Variants in STK32B observed in about 807,000 individuals in gnomAD.
STK32B encodes the protein serine/threonine-protein kinase 32B.
In STK32B, 43 loss-of-function variants were observed where a neutral mutation model predicts 52.6. The ratio of observed to expected loss-of-function variants is 0.82; its 90% CI spans 0.64 to 1.05. STK32B has a LOEUF of 1.05. Among genes scored for constraint, STK32B ranks in the 50% least tolerant of loss-of-function variants. The pLI is 0.00. For synonymous variants in STK32B, 238 were observed against 204.3 expected (o/e 1.17, Z -1.41); for missense variants, 621 against 534.6 (o/e 1.16, Z -1.59).
Position 5,217,702 on chromosome 4 carries a change from G to T in STK32B, c.260+49252G>T, listed in dbSNP as rs186206408. 3.9e-5 allele frequency among the ~76,000 whole-genome samples: 6 copies of T among 152,296 alleles called. No homozygotes were observed. The East Asian group carries it at 1.2e-3, about 29-fold the overall frequency. ...TAAGATCTCACCAACAGTGGGACTT[G>T]TCTCTTAAGTCTAATGTCTGGACTT... On this transcript the variant is annotated intron_variant, in intron 3 of 11. Coordinates refer to ENST00000282908, the MANE Select transcript of STK32B (RefSeq NM_018401.3).
chr4:5,425,362 A>G lies in STK32B; in HGVS notation c.562+8428A>G, dbSNP rs1577478981. On this transcript the variant is annotated intron_variant, in intron 6 of 11. Coordinates refer to ENST00000282908, the MANE Select transcript of STK32B (RefSeq NM_018401.3). The stretch of plus-strand genomic sequence containing the variant: ...ACTCTTTGTAGATATTATTGAGGCC[A>G]GGGAAAGTGAAGTTTGCTTCCCAGA... Among the ~76,000 whole-genome samples the G allele has an allele frequency of 2.0e-5, 3 of 152,344 alleles. No homozygotes were observed. In the South Asian group the frequency reaches 6.2e-4, roughly 32 times the overall value.
chr4:5,333,987 A>C (rs1459270389), intron 4 of STK32B, among the ~76,000 whole-genome samples: 1 of 152,148 alleles, frequency 6.6e-6, no homozygotes, highest in Admixed American at 6.5e-5. Context: ...ATGAACTTTA[A>C]AGTAGTTTTT....
At chr4:5,170,356 C>T (rs916169904) in intron 3 of STK32B, among the ~76,000 whole-genome samples, 7 of 151,904 alleles carry the variant, frequency 4.6e-5, no homozygotes, top group African/African-American at 7.3e-5. Flanking sequence ...ATGTGCACAA[C>T]GTGCAGGTTT....
chr4:5,140,667 A>C (rs1385030562), intron 2 of STK32B, among the ~76,000 whole-genome samples: 1 of 152,222 alleles, frequency 6.6e-6, no homozygotes, highest in East Asian at 1.9e-4. Flanking sequence ...CTGCTGTTTC[A>C]GCAGCCCATA....
chr4:5,200,851 C>A (rs1378959148), intron 3 of STK32B, among the ~76,000 whole-genome samples: 1 of 152,166 alleles, frequency 6.6e-6, no homozygotes, highest in Admixed American at 6.5e-5. Flanking sequence ...TTCCATTAAT[C>A]TGTGACTAAG....
chr4:5,171,929 C>A (rs1416915338), intron 3 of STK32B, among the ~76,000 whole-genome samples: 1 of 151,664 alleles, frequency 6.6e-6, no homozygotes, highest in African/African-American at 2.4e-5. Context: ...GTTGATTCTT[C>A]CTACCCATGA....
intron 3 of STK32B, among the ~76,000 whole-genome samples, chr4:5,176,658 G>A (rs1257887011): frequency 6.6e-6 from 1 of 151,958 alleles, no homozygotes; most frequent in African/African-American, 2.4e-5. Flanking sequence ...TGGCCAGGCT[G>A]GTCTCAAGCT....
At chr4:5,089,702 C>T (rs77666878) in intron 1 of STK32B, among the ~76,000 whole-genome samples, 1 of 152,048 alleles carries the variant, frequency 6.6e-6, no homozygotes. Context: ...GATTTATATT[C>T]CTTTGAGTAT....
chr4:5,451,093 G>A (rs1715951886), intron 7 of STK32B, among the ~76,000 whole-genome samples: 1 of 152,216 alleles, frequency 6.6e-6, no homozygotes, highest in African/African-American at 2.4e-5. Context: ...ATGAGAAAAT[G>A]TAATCAGGGC....
chr4:5,138,067 C>CT lies in STK32B; in HGVS notation c.53-1831dup, dbSNP rs200304755. On this transcript the variant is annotated intron_variant, in intron 1 of 11. Coordinates refer to ENST00000282908, the MANE Select transcript of STK32B (RefSeq NM_018401.3). ...AACAAGCTGCAGTCCAAGCTCATTG[C>CT]TTTTTTTCCCTCTTCTCTGATCTTT... Among the ~76,000 whole-genome samples the CT allele has an allele frequency of 8.6e-3, 1,312 of 152,296 alleles. 23 individuals are homozygous for CT. Among genetic ancestry groups the CT allele is most frequent in the African/African-American group, 0.029 (1,212 of 41,564 alleles).
intron 3 of STK32B, among the ~76,000 whole-genome samples, chr4:5,298,644 G>A (rs899333545): frequency 6.6e-6 from 1 of 152,100 alleles, no homozygotes. Context: ...CCACCACCAA[G>A]TTTGAGCATC....
At position 5,500,379 on chromosome 4, in the gene STK32B, TGTCAGCATAATC is replaced by T. The variant is rs1448698623; in HGVS notation, c.*1301_*1312del. 1 of 152,238 alleles carries T rather than the reference TGTCAGCATAATC, an allele frequency of 6.6e-6. No homozygotes were observed. Among genetic ancestry groups the T allele is most frequent in the African/African-American group, 2.4e-5 (1 of 41,466 alleles). 9.4% of individuals were successfully genotyped at this position (152,238 alleles called of 1,614,324 possible). ...GGATGACTCATAGAATGGCCTTTTT[TGTCAGCATAATC>T]GTCATCATTATTTAGATACTTTCTT... On this transcript the variant is annotated 3_prime_UTR_variant, in exon 12 of 12. Transcript: ENST00000282908.
intron 1 of STK32B, among the ~76,000 whole-genome samples, chr4:5,135,829 C>G (rs1716043268): frequency 1.3e-5 from 2 of 152,204 alleles, no homozygotes; most frequent in African/African-American, 4.8e-5. Context: ...CCAAAAATGT[C>G]TCCATCTCAT....
intron 4 of STK32B, 150 bp downstream of exon 4, chr4:5,331,543 TA>T: frequency 1.2e-6 from 1 of 807,082 alleles, no homozygotes; most frequent in Non-Finnish European, 1.9e-6. Flanking sequence ...CTTTTCTTCC[TA>T]TTTTTTTATG....
intron 1 of STK32B, among the ~76,000 whole-genome samples, chr4:5,137,658 A>G (rs1001963911): frequency 2.6e-5 from 4 of 152,200 alleles, no homozygotes; most frequent in Admixed American, 2.6e-4. Flanking sequence ...GCCGCTAATG[A>G]CAGACTGACT....
chr4:5,121,518 TATA>T (rs1158222698), intron 1 of STK32B, among the ~76,000 whole-genome samples: 1 of 152,126 alleles, frequency 6.6e-6, no homozygotes, highest in Non-Finnish European at 1.5e-5. Flanking sequence ...ATCAGGTCAT[TATA>T]ATAATATTAA....
rs747299293 is a variant in STK32B, at chr4:5,249,473, T to C, written c.260+81023T>C. On this transcript the variant is annotated intron_variant, in intron 3 of 11. Transcript: ENST00000282908. The stretch of plus-strand genomic sequence containing the variant: ...TTCCTTCCTTCCTTCCTTCCTTCCT[T>C]CCTTCCTTCCTTCCTTCCTTCCTTC... Among the ~76,000 whole-genome samples, 1,224 of 137,846 alleles carry C rather than the reference T, an allele frequency of 8.9e-3. 14 individuals carry two copies. Among genetic ancestry groups the C allele is most frequent in the African/African-American group, 0.016 (523 of 31,784 alleles). The allele number at this position is 137,846 out of a possible 152,430, so 90.4% of individuals were successfully genotyped here. A position where few individuals can be genotyped will look rare whatever the true frequency, so the allele number is the denominator to read the frequency against.
intron 4 of STK32B, among the ~76,000 whole-genome samples, chr4:5,385,122 G>A (rs981946162): frequency 6.6e-6 from 1 of 152,140 alleles, no homozygotes; most frequent in Non-Finnish European, 1.5e-5. Flanking sequence ...AAGATGGTAG[G>A]GGTTGGGTAG....
intron 4 of STK32B, among the ~76,000 whole-genome samples, chr4:5,346,786 G>A (rs1301156307): frequency 7.2e-6 from 1 of 138,514 alleles, no homozygotes; most frequent in Non-Finnish European, 1.5e-5. Flanking sequence ...TTTTCACACT[G>A]TTATAAAGAA....
Sources: gnomAD v4.1 joint callset for allele counts (sites outside exome capture counted in the v4.1 genomes callset) on GRCh38, gnomAD v4.1.1 for gene constraint, MANE v1.5 for transcripts, NCBI Gene and HGNC (gene_info 2026-07-23, HGNC 2026-07-21) for gene names.